The following LAYN variants were observed in gnomAD, a reference collection of about 807,000 sequenced individuals.
The protein encoded by LAYN is layilin.
Under a neutral mutation model 43.6 loss-of-function variants are expected in LAYN, and 38 were observed. The observed-to-expected ratio is 0.87, with a 90% CI of 0.67 to 1.14. LAYN has a LOEUF of 1.14. Among genes scored for constraint, LAYN ranks in the 50% most tolerant of loss-of-function variants. LAYN has a pLI of 0.00. For missense variants in LAYN, 479 were observed against 463.8 expected (o/e 1.03, Z -0.30); for synonymous variants, 168 against 172.9 (o/e 0.97, Z 0.22).
chr11:111,541,245 C>T (rs1012014072), intron 1 of LAYN: 1 of 591,394 alleles, frequency 1.7e-6, no homozygotes, highest in Admixed American at 3.0e-5. Context: ...AGTGGGTGCC[C>T]CTTCGGCCCG....
rs769247566 is a variant in LAYN at position 111,555,309 on chromosome 11, TG to T, written c.658+22del. The T allele has an allele frequency of 1.2e-5, 19 of 1,550,840 alleles. No homozygotes were observed. The East Asian group carries it at 3.8e-4, about 31-fold the overall frequency. ...AGTAGAGGTATCTACAAAACTCTCC[TG>T]GGAAAGATGAATAATCAGGCTCCCT... On this transcript the variant is annotated intron_variant, in intron 5 of 6. Transcript: ENST00000375614.
chr11:111,550,211 T>C (rs4938792), intron 3 of LAYN, among the ~76,000 whole-genome samples: 57,584 of 152,104 alleles, frequency 0.38, 11,456 homozygotes, highest in Middle Eastern at 0.5. Context: ...ACGATACATA[T>C]GTAAATGATA....
chr11:111,554,732 T>G, intron 4 of LAYN, 139 bp downstream of exon 4: 1 of 692,924 alleles, frequency 1.4e-6, no homozygotes, highest in East Asian at 2.6e-5. Context: ...GGGACAGGTA[T>G]ACACCACACC....
rs142670725 is a variant in LAYN, at chr11:111,557,075, G to A, written c.659-466G>A. On this transcript the variant is annotated intron_variant, in intron 5 of 6. Transcript: ENST00000375614. The stretch of plus-strand genomic sequence containing the variant: ...TTCCCTCTCTTTCCCCCATCCCATC[G>A]TGGGAACTCCGTGACTGTCCTTGGA... Among the ~76,000 whole-genome samples, 13 of 151,754 alleles carry A rather than the reference G, an allele frequency of 8.6e-5. No individual in the cohort carries two copies. The South Asian group carries it at 1.7e-3, about 19-fold the overall frequency.
At chr11:111,548,464 G>A (rs1048055112) in intron 2 of LAYN, among the ~76,000 whole-genome samples, 1 of 152,202 alleles carries the variant, frequency 6.6e-6, no homozygotes, top group Non-Finnish European at 1.5e-5. Flanking sequence ...GCAAGTCAGG[G>A]TAGGAGGCCC....
chr11:111,541,353 G>A, intron 1 of LAYN: 1 of 612,972 alleles, frequency 1.6e-6, no homozygotes. Flanking sequence ...GGCGGCCGCA[G>A]AGACAGCGGG....
At chr11:111,551,431 A>T (rs901573568) in intron 3 of LAYN, 3 of 456,132 alleles carry the variant, frequency 6.6e-6, no homozygotes, top group Non-Finnish European at 1.3e-5. Flanking sequence ...AATGGATCCA[A>T]CAGAGGGAGG....
intron 2 of LAYN, among the ~76,000 whole-genome samples, chr11:111,548,217 C>T (rs1330481031): frequency 6.6e-6 from 1 of 152,084 alleles, no homozygotes; most frequent in Non-Finnish European, 1.5e-5. Context: ...CCCTCTTCCC[C>T]GCTGTATGGT....
intron 3 of LAYN, among the ~76,000 whole-genome samples, chr11:111,552,678 C>A (rs1481201500): frequency 6.6e-6 from 1 of 152,102 alleles, no homozygotes; most frequent in African/African-American, 2.4e-5. Context: ...TAACTTTGCA[C>A]CGTGGATTGA....
intron 2 of LAYN, among the ~76,000 whole-genome samples, chr11:111,549,313 T>G (rs1456299966): frequency 1.3e-5 from 2 of 152,132 alleles, no homozygotes; most frequent in African/African-American, 4.8e-5. Flanking sequence ...AAGAAAGAAA[T>G]AAGATCGTCC....
At chr11:111,546,700 A>T (rs1176497693) in intron 2 of LAYN, among the ~76,000 whole-genome samples, 2 of 152,148 alleles carry the variant, frequency 1.3e-5, no homozygotes, top group Non-Finnish European at 2.9e-5. Context: ...CTTACAACGG[A>T]TCTATTCCAA....
intron 3 of LAYN, among the ~76,000 whole-genome samples, chr11:111,553,140 G>A (rs1867771835): frequency 6.6e-6 from 1 of 152,100 alleles, no homozygotes; most frequent in Non-Finnish European, 1.5e-5. Flanking sequence ...CTACTCAGGA[G>A]GCTGAGGCAG....
rs1032297886 is a variant in LAYN at position 111,560,383 on chromosome 11, T to C, written c.1050T>C (p.Ile350=). The C allele has an allele frequency of 1.7e-5, 28 of 1,613,922 alleles. No individual in the cohort carries two copies. The highest frequency in any genetic ancestry group is 2.2e-5 in the Non-Finnish European group (26 of 1,179,992). Residue 350 remains isoleucine, a synonymous_variant, in exon 7 of 7, where the codon ATT becomes ATC. Coordinates refer to ENST00000375614, the MANE Select transcript of LAYN (RefSeq NM_178834.5). ...SVESGFVTND[I]YEFSPDQMGR... ...AGAGTGGATTTGTGACCAATGACAT[T>C]TATGAGTTCTCCCCAGACCAAATGG... is the stretch of plus-strand genomic sequence containing the variant.
At chr11:111,546,902 G>A (rs1199120612) in intron 2 of LAYN, among the ~76,000 whole-genome samples, 1 of 152,160 alleles carries the variant, frequency 6.6e-6, no homozygotes, top group East Asian at 1.9e-4. Context: ...TTCTGTCATT[G>A]AGGCTTGTCA....
intron 1 of LAYN, among the ~76,000 whole-genome samples, chr11:111,541,144 T>C (rs1180054293): frequency 6.6e-6 from 1 of 152,224 alleles, no homozygotes; most frequent in Admixed American, 6.5e-5. Flanking sequence ...TCCCTGCGCG[T>C]CCTGGAACGC....
chr11:111,560,596 G>A lies in LAYN; in HGVS notation c.*138G>A, dbSNP rs898948319. 1.7e-5 allele frequency: 17 copies of A among 971,850 alleles called. No homozygotes were observed. Among genetic ancestry groups the A allele is most frequent in the African/African-American group, 6.6e-5 (4 of 60,554 alleles). 60.2% of individuals were successfully genotyped at this position (971,850 alleles called of 1,614,324 possible). ...CTGTGGATGAGCATGTGGTCCCCACGACCTCCTGTTGGACCCCCACGTTTT... is the reference window on the plus strand; with the variant it reads ...CTGTGGATGAGCATGTGGTCCCCACAACCTCCTGTTGGACCCCCACGTTTT... On this transcript the variant is annotated 3_prime_UTR_variant, in exon 7 of 7. Transcript: ENST00000375614.
chr11:111,556,355 T>C (rs868541727), intron 5 of LAYN, among the ~76,000 whole-genome samples: 5 of 152,162 alleles, frequency 3.3e-5, no homozygotes, highest in East Asian at 1.9e-4. Flanking sequence ...AGAGGTTTTA[T>C]TGGGGGTATC....
At chr11:111,541,798 G>T (rs1015462221) in intron 1 of LAYN, among the ~76,000 whole-genome samples, 1 of 152,144 alleles carries the variant, frequency 6.6e-6, no homozygotes, top group Non-Finnish European at 1.5e-5. Context: ...GGCGGCAAAA[G>T]AGGTGGGAAG....
At chr11:111,549,510 G>T in intron 2 of LAYN, 108 bp from the exon 3 acceptor site, 1 of 928,736 alleles carries the variant, frequency 1.1e-6, no homozygotes, top group South Asian at 2.1e-5. Flanking sequence ...ATGTTCTGAG[G>T]CAGAATCTTA....
Sources: gnomAD v4.1 joint callset for allele counts (sites outside exome capture counted in the v4.1 genomes callset) on GRCh38, gnomAD v4.1.1 for gene constraint, MANE v1.5 for transcripts, NCBI Gene and HGNC (gene_info 2026-07-23, HGNC 2026-07-21) for gene names.